Variants in AFF3 observed in about 807,000 individuals in gnomAD.
AFF3 encodes ALF transcription elongation factor 3, also known as AF4/FMR2 family member 3.
Under a neutral mutation model 129.7 loss-of-function variants are expected in AFF3, and 32 were observed. That is an observed-to-expected ratio of 0.25 (90% CI 0.19 to 0.33). The LOEUF (loss-of-function observed/expected upper bound fraction) is 0.33, where lower values mean the gene tolerates loss of function less well. Among genes scored for constraint, AFF3 ranks in the 10% least tolerant of loss-of-function variants. The pLI, the probability that AFF3 is intolerant of heterozygous loss-of-function variation, is 1.00. For synonymous variants in AFF3, 644 were observed against 635.4 expected (o/e 1.01, Z -0.20); for missense variants, 1,373 against 1,592.0 (o/e 0.86, Z 2.34).
intron 7 of AFF3, among the ~76,000 whole-genome samples, chr2:99,871,892 C>A (rs1218125426): frequency 1.3e-5 from 2 of 152,034 alleles, no homozygotes; most frequent in East Asian, 3.9e-4. Flanking sequence ...TCCTGCCCTC[C>A]CAAATCTAAA....
At chr2:99,808,883 T>C (rs1686564929) in intron 8 of AFF3, among the ~76,000 whole-genome samples, 1 of 152,242 alleles carries the variant, frequency 6.6e-6, no homozygotes, top group African/African-American at 2.4e-5. Context: ...TAAACAATCA[T>C]GTGTTTTTGT....
chr2:100,106,161 A>G (rs1263068974), intron 2 of AFF3: 2 of 1,211,082 alleles, frequency 1.7e-6, no homozygotes, highest in African/African-American at 1.6e-5. Context: ...TTCTTCCCCC[A>G]GCTCTGAATC....
chr2:100,053,021 G>A (rs1686475609), intron 4 of AFF3, among the ~76,000 whole-genome samples: 1 of 152,202 alleles, frequency 6.6e-6, no homozygotes, highest in African/African-American at 2.4e-5. Context: ...GTGGAGAGGG[G>A]GAAATTGATC....
chr2:99,594,032 T>G lies in AFF3; in HGVS notation c.1629A>C (p.Lys543Asn). ...PRTANKAPGS[K>N]GVKQKSPPAA... Reference sequence around the variant, plus strand: ...CGGGCGGGGACTTCTGCTTCACGCCTTTACTCCCAGGGGCCTTGTTGGCTG... The same window carrying G: ...CGGGCGGGGACTTCTGCTTCACGCCGTTACTCCCAGGGGCCTTGTTGGCTG... The change falls in exon 15 of 25, where the codon AAA (lysine) becomes AAC (asparagine). Residue 543 changes from lysine to asparagine, a missense_variant. By Grantham distance (94) the Lys-to-Asn change is moderately conservative. Transcript: ENST00000672756. 6.2e-7 allele frequency: 1 copy of G among 1,605,462 alleles called. No homozygotes were observed. Among genetic ancestry groups the G allele is most frequent in the Non-Finnish European group, 8.5e-7 (1 of 1,174,996 alleles).
At position 99,733,755 on chromosome 2, in the gene AFF3, G is replaced by A. The variant is rs533860816; in HGVS notation, c.1040-6627C>T. ...TCTGCCATGAGTCCAGTTTTCATAC[G>A]CCTGTGGATCTGCTTCTGGGTCTCT... On this transcript the variant is annotated intron_variant, in intron 10 of 24. Coordinates refer to ENST00000672756, the MANE Select transcript of AFF3 (RefSeq NM_001386135.1). Among the ~76,000 whole-genome samples the A allele has an allele frequency of 3.3e-5, 5 of 151,918 alleles. No homozygotes were observed. The East Asian group carries it at 7.7e-4, about 23-fold the overall frequency.
chr2:99,657,855 T>A (rs184252444), intron 12 of AFF3, among the ~76,000 whole-genome samples: 36 of 152,356 alleles, frequency 2.4e-4, no homozygotes, highest in Admixed American at 5.9e-4. Flanking sequence ...TCTCATAAGG[T>A]GGATTCTGTT....
At chr2:99,892,037 T>C (rs183439707) in intron 7 of AFF3, among the ~76,000 whole-genome samples, 1,737 of 152,268 alleles carry the variant, frequency 0.011, 34 homozygotes, top group African/African-American at 0.039. Context: ...TTAGCCAGGA[T>C]GGTCTCAATC....
intron 4 of AFF3, among the ~76,000 whole-genome samples, chr2:100,050,916 A>T (rs1686273769): frequency 6.6e-6 from 1 of 152,214 alleles, no homozygotes; most frequent in Non-Finnish European, 1.5e-5. Flanking sequence ...AGTCCCGCGG[A>T]AAGAAGACCT....
intron 7 of AFF3, among the ~76,000 whole-genome samples, chr2:99,917,327 A>C (rs1695539010): frequency 6.6e-6 from 1 of 152,166 alleles, no homozygotes. Flanking sequence ...CCCACCCAGA[A>C]GCCAGAGGGC....
At chr2:99,632,702 C>A (rs1683241917) in intron 13 of AFF3, among the ~76,000 whole-genome samples, 1 of 152,208 alleles carries the variant, frequency 6.6e-6, no homozygotes, top group Non-Finnish European at 1.5e-5. Flanking sequence ...GAAAATTTCC[C>A]AGACTATCTC....
At chr2:99,749,293 T>C (rs563841112) in intron 9 of AFF3, among the ~76,000 whole-genome samples, 35 of 152,320 alleles carry the variant, frequency 2.3e-4, no homozygotes, top group Admixed American at 1.8e-3. Flanking sequence ...TACACCTCAA[T>C]AGAGCTAAAA....
chr2:99,685,336 C>T (rs1488504099), intron 11 of AFF3, among the ~76,000 whole-genome samples: 2 of 152,136 alleles, frequency 1.3e-5, no homozygotes, highest in Non-Finnish European at 2.9e-5. Flanking sequence ...CAATGAGAAA[C>T]CTGATTACCC....
intron 7 of AFF3, among the ~76,000 whole-genome samples, chr2:99,932,875 T>C (rs4449188): frequency 0.2 from 30,907 of 152,100 alleles, 4,263 homozygotes; most frequent in African/African-American, 0.39. Flanking sequence ...TTAACTTTTT[T>C]GTTGTGCTAC....
chr2:99,936,383 C>T (rs1674527238), intron 7 of AFF3, among the ~76,000 whole-genome samples: 1 of 151,954 alleles, frequency 6.6e-6, no homozygotes, highest in Non-Finnish European at 1.5e-5. Context: ...ATGGGTTTTA[C>T]CCTAATCAGA....
chr2:99,596,004 C>T (rs915734048), intron 14 of AFF3, among the ~76,000 whole-genome samples: 1 of 152,220 alleles, frequency 6.6e-6, no homozygotes, highest in Non-Finnish European at 1.5e-5. Flanking sequence ...AAGGCCCCTT[C>T]CCTGGGCTGT....
intron 7 of AFF3, among the ~76,000 whole-genome samples, chr2:99,931,485 C>T (rs140121576): frequency 1.3e-5 from 2 of 152,008 alleles, no homozygotes; most frequent in East Asian, 1.9e-4. Context: ...CCAGAAGGGC[C>T]CTGGTGTTGA....
chr2:99,876,724 C>T (rs976032024), intron 7 of AFF3, among the ~76,000 whole-genome samples: 5 of 152,120 alleles, frequency 3.3e-5, no homozygotes, highest in Admixed American at 2.6e-4. Flanking sequence ...CGATCTAGTG[C>T]CTCCGCACCC....
chr2:99,970,996 G>A (rs1023836357), intron 7 of AFF3, among the ~76,000 whole-genome samples: 18 of 152,150 alleles, frequency 1.2e-4, no homozygotes, highest in African/African-American at 4.1e-4. Context: ...TGATCCAGAG[G>A]GTGGTTGGAA....
At chr2:99,805,650 C>T (rs1686282501) in intron 8 of AFF3, among the ~76,000 whole-genome samples, 1 of 152,180 alleles carries the variant, frequency 6.6e-6, no homozygotes, top group African/African-American at 2.4e-5. Context: ...AAAATCCCTA[C>T]TCCTCTTCAG....
Sources: gnomAD v4.1 joint callset for allele counts (sites outside exome capture counted in the v4.1 genomes callset) on GRCh38, gnomAD v4.1.1 for gene constraint, MANE v1.5 for transcripts, NCBI Gene and HGNC (gene_info 2026-07-23, HGNC 2026-07-21) for gene names.